Variants in GPC5 observed in about 807,000 individuals in gnomAD.
GPC5 encodes glypican 5, also known as glypican-5.
A neutral mutation model predicts 53.9 loss-of-function variants in GPC5; 47 were observed. The observed-to-expected ratio is 0.87, with a 90% CI of 0.69 to 1.11. The LOEUF (loss-of-function observed/expected upper bound fraction) is 1.11, where lower values mean the gene tolerates loss of function less well. Among genes scored for constraint, GPC5 ranks in the 50% most tolerant of loss-of-function variants. The pLI is 0.00. For synonymous variants in GPC5, 286 were observed against 263.3 expected (o/e 1.09, Z -0.84); for missense variants, 748 against 713.1 (o/e 1.05, Z -0.56).
chr13:92,112,074 T>A (rs1230380754), intron 6 of GPC5, among the ~76,000 whole-genome samples: 1 of 152,136 alleles, frequency 6.6e-6, no homozygotes, highest in African/African-American at 2.4e-5. Flanking sequence ...AATAAGAGGT[T>A]TCTAAGGAAG....
intron 5 of GPC5, among the ~76,000 whole-genome samples, chr13:91,834,714 T>A (rs544303441): frequency 6.6e-6 from 1 of 152,148 alleles, no homozygotes; most frequent in Non-Finnish European, 1.5e-5. Flanking sequence ...TGAAACTGGA[T>A]CCCTTCCTTA....
intron 5 of GPC5, among the ~76,000 whole-genome samples, chr13:91,811,972 T>C (rs1394888): frequency 0.52 from 78,675 of 151,998 alleles, 20,965 homozygotes; most frequent in East Asian, 0.73. Context: ...GTGAATGAGT[T>C]AGACCCATGC....
chr13:92,725,392 A>C (rs1446338528), intron 7 of GPC5, among the ~76,000 whole-genome samples: 1 of 151,558 alleles, frequency 6.6e-6, no homozygotes, highest in Non-Finnish European at 1.5e-5. Flanking sequence ...TCACTTTCAG[A>C]ATTGAGTGGG....
At chr13:92,603,730 G>A (rs1884160248) in intron 7 of GPC5, among the ~76,000 whole-genome samples, 1 of 152,168 alleles carries the variant, frequency 6.6e-6, no homozygotes, top group Non-Finnish European at 1.5e-5. Flanking sequence ...GAAGTGAGTG[G>A]TTAGGTCTGT....
At chr13:92,042,390 C>T (rs376673512) in intron 6 of GPC5, among the ~76,000 whole-genome samples, 8 of 152,032 alleles carry the variant, frequency 5.3e-5, no homozygotes, top group African/African-American at 1.7e-4. Context: ...GGATAAAAAT[C>T]CAACTTGCTA....
intron 7 of GPC5, among the ~76,000 whole-genome samples, chr13:92,210,551 A>T (rs2139073752): frequency 6.6e-6 from 1 of 152,280 alleles, no homozygotes; most frequent in African/African-American, 2.4e-5. Flanking sequence ...GAACCTCTCC[A>T]GTTTCTAATA....
chr13:91,427,084 G>A (rs1415538230), intron 1 of GPC5, among the ~76,000 whole-genome samples: 3 of 152,218 alleles, frequency 2.0e-5, no homozygotes, highest in African/African-American at 4.8e-5. Context: ...GCAGAAGTTT[G>A]CTGCAGAAAT....
At position 92,254,089 on chromosome 13, in the gene GPC5, C is replaced by G. The variant is rs188342688; in HGVS notation, c.1561+109100C>G. On this transcript the variant is annotated intron_variant, in intron 7 of 7. Coordinates refer to ENST00000377067, the MANE Select transcript of GPC5 (RefSeq NM_004466.6). ...AAGCTGCCTGAAGGTAGTCAAAGGC[C>G]ATGTTCAACCCAAGAAAAAATCAAG... 1.6e-3 allele frequency among the ~76,000 whole-genome samples: 247 copies of G among 151,874 alleles called. 2 individuals are homozygous for G. The highest frequency in any genetic ancestry group is 1.4e-3 in the Non-Finnish European group (93 of 67,948).
chr13:92,471,658 AAT>A (rs1878917654), intron 7 of GPC5, among the ~76,000 whole-genome samples: 1 of 152,126 alleles, frequency 6.6e-6, no homozygotes, highest in Admixed American at 6.6e-5. Flanking sequence ...AGGGAGAGAG[AAT>A]GAGAGTAATT....
At chr13:91,651,004 A>C (rs1018125464) in intron 2 of GPC5, among the ~76,000 whole-genome samples, 1 of 152,114 alleles carries the variant, frequency 6.6e-6, no homozygotes, top group Admixed American at 6.6e-5. Context: ...AAGTAATTCA[A>C]ATGTCAGGCT....
chr13:91,704,171 G>A (rs1334496593), intron 3 of GPC5, among the ~76,000 whole-genome samples: 1 of 152,062 alleles, frequency 6.6e-6, no homozygotes, highest in African/African-American at 2.4e-5. Context: ...ATCTAGGTGT[G>A]TCAATGTTGG....
chr13:92,178,670 T>C (rs1236988502), intron 7 of GPC5, among the ~76,000 whole-genome samples: 1 of 152,202 alleles, frequency 6.6e-6, no homozygotes, highest in East Asian at 1.9e-4. Context: ...AATTTTAACA[T>C]TTTCTTTAAA....
intron 5 of GPC5, among the ~76,000 whole-genome samples, chr13:91,800,194 A>C (rs1594575662): frequency 6.6e-6 from 1 of 152,250 alleles, no homozygotes; most frequent in East Asian, 1.9e-4. Context: ...AAATAGTTCA[A>C]TAAGAAATTT....
chr13:91,403,010 T>C (rs1026632149), intron 1 of GPC5, among the ~76,000 whole-genome samples: 7 of 152,190 alleles, frequency 4.6e-5, no homozygotes, highest in Admixed American at 4.6e-4. Flanking sequence ...GGAGGTAAAA[T>C]AGTGCTTCTA....
intron 7 of GPC5, among the ~76,000 whole-genome samples, chr13:92,361,372 G>T (rs2043565592): frequency 6.6e-6 from 1 of 151,570 alleles, no homozygotes; most frequent in Non-Finnish European, 1.5e-5. Context: ...CATTTAGCTT[G>T]TCACTGACTT....
chr13:91,531,879 C>T (rs374239507), intron 2 of GPC5, among the ~76,000 whole-genome samples: 5 of 152,172 alleles, frequency 3.3e-5, no homozygotes, highest in African/African-American at 1.2e-4. Flanking sequence ...GGCTGAAACA[C>T]TCTCTTTCAT....
At chr13:92,558,416 T>G (rs1594303444) in intron 7 of GPC5, among the ~76,000 whole-genome samples, 1 of 152,180 alleles carries the variant, frequency 6.6e-6, no homozygotes, top group South Asian at 2.1e-4. Context: ...TACACAAAAG[T>G]GCACATAATT....
intron 7 of GPC5, among the ~76,000 whole-genome samples, chr13:92,725,365 G>T (rs1888613981): frequency 6.6e-6 from 1 of 151,262 alleles, no homozygotes; most frequent in African/African-American, 2.4e-5. Flanking sequence ...ATGATAGGCG[G>T]CTGAGAAACA....
At chr13:92,229,704 T>C (rs1036870458) in intron 7 of GPC5, among the ~76,000 whole-genome samples, 2 of 152,236 alleles carry the variant, frequency 1.3e-5, no homozygotes, top group Non-Finnish European at 2.9e-5. Flanking sequence ...CATTTTATTA[T>C]AATTTGGGGG....
Sources: gnomAD v4.1 joint callset for allele counts (sites outside exome capture counted in the v4.1 genomes callset) on GRCh38, gnomAD v4.1.1 for gene constraint, MANE v1.5 for transcripts, NCBI Gene and HGNC (gene_info 2026-07-23, HGNC 2026-07-21) for gene names.